Variants in PTH1R observed in about 807,000 individuals in gnomAD.
The protein encoded by PTH1R is parathyroid hormone 1 receptor.
PTH1R carries 32 observed loss-of-function variants against 70.7 expected under a neutral mutation model. The ratio of observed to expected loss-of-function variants is 0.45; its 90% CI spans 0.34 to 0.61. The LOEUF is 0.61. Ranked by LOEUF, PTH1R falls within the 20% of genes least tolerant of loss-of-function variation. The pLI is 0.01. For synonymous variants in PTH1R, 329 were observed against 324.8 expected (o/e 1.01, Z -0.14); for missense variants, 626 against 792.5 (o/e 0.79, Z 2.52).
rs1459430036 is a variant in PTH1R at position 46,879,286 on chromosome 3, GT to G, written c.-106+1447del. Among the ~76,000 whole-genome samples, 1 of 152,188 alleles carries G rather than the reference GT, an allele frequency of 6.6e-6. No individual in the cohort carries two copies. The highest frequency in any genetic ancestry group is 6.5e-5 in the Admixed American group (1 of 15,286). On this transcript the variant is annotated intron_variant, in intron 1 of 15. Transcript: ENST00000449590. The surrounding 1 kb of genome is among the most constrained non-coding windows in gnomAD (Gnocchi z 4.7). ...CAAGTAGTATGTTTCCAAATCTCAA[GT>G]TTTCCCTGGTGTCAGATCTGAAAAG...
At chr3:46,900,588 A>T (rs946795060) in intron 10 of PTH1R, among the ~76,000 whole-genome samples, 1 of 152,056 alleles carries the variant, frequency 6.6e-6, no homozygotes, top group South Asian at 2.1e-4. Flanking sequence ...ATCCAGTCTC[A>T]TCCACGAGGG....
At position 46,898,868 on chromosome 3, in the gene PTH1R, CT is replaced by C; in HGVS notation, c.834+12del. The C allele has an allele frequency of 6.6e-7, 1 of 1,507,438 alleles. No homozygotes were observed. The highest frequency in any genetic ancestry group is 8.9e-7 in the Non-Finnish European group (1 of 1,127,524). The allele number at this position is 1,507,438 out of a possible 1,614,324, so 93.4% of individuals were successfully genotyped here. The stretch of plus-strand genomic sequence containing the variant: ...GCCGCTGCCGGCTACGTGAGTACCC[CT>C]CTGCCCGCCCGCTCCCGGTGCCGCC... On this transcript the variant is annotated intron_variant, in intron 9 of 15. Coordinates refer to ENST00000449590, the MANE Select transcript of PTH1R (RefSeq NM_000316.3).
At chr3:46,889,355 A>G (rs913390917) in intron 3 of PTH1R, among the ~76,000 whole-genome samples, 1 of 152,178 alleles carries the variant, frequency 6.6e-6, no homozygotes, top group Non-Finnish European at 1.5e-5. Context: ...GGGATCTGCA[A>G]AGGGAGACTT....
At chr3:46,880,702 G>C (rs1234593892) in intron 1 of PTH1R, among the ~76,000 whole-genome samples, 1 of 152,164 alleles carries the variant, frequency 6.6e-6, no homozygotes, top group East Asian at 1.9e-4. Context: ...ACTCCAGCCT[G>C]GGTGACAAAG....
At position 46,901,159 on chromosome 3, in the gene PTH1R, GGGCCTCCTGTACCCT is replaced by G; in HGVS notation, c.1049+81_1049+95del. 1.3e-6 allele frequency: 2 copies of G among 1,506,762 alleles called. No homozygotes were observed. Among genetic ancestry groups the G allele is most frequent in the Non-Finnish European group, 1.8e-6 (2 of 1,107,366 alleles). The allele number at this position is 1,506,762 out of a possible 1,614,324, so 93.3% of individuals were successfully genotyped here. A position where few individuals can be genotyped will look rare whatever the true frequency, so the allele number is the denominator to read the frequency against. ...CTTTTCTTCCAGGAAGCATGTGAGAGGGCCTCCTGTACCCTGGCCTCAAACGGCCCAGCCTCAGGA... is the reference window on the plus strand; with the variant it reads ...CTTTTCTTCCAGGAAGCATGTGAGAGGGCCTCAAACGGCCCAGCCTCAGGA... On this transcript the variant is annotated intron_variant, in intron 11 of 15. Coordinates refer to ENST00000449590, the MANE Select transcript of PTH1R (RefSeq NM_000316.3). The surrounding 1 kb of genome is among the most constrained non-coding windows in gnomAD (Gnocchi z 7.3).
chr3:46,879,713 C>T lies in PTH1R; in HGVS notation c.-105-1349C>T, dbSNP rs989656679. ...TGTGAGCCATGACCGTGCCACTGCA[C>T]TCCAGCCTGGGTGACACAGCAAGAC... On this transcript the variant is annotated intron_variant, in intron 1 of 15. Transcript: ENST00000449590. This position sits in a 1 kb window ranked among gnomAD's most constrained non-coding sequence, Gnocchi z 4.7. 5.3e-5 allele frequency among the ~76,000 whole-genome samples: 8 copies of T among 152,048 alleles called. No individual in the cohort carries two copies. Among genetic ancestry groups the T allele is most frequent in the Non-Finnish European group, 1.2e-4 (8 of 68,032 alleles).
At position 46,893,568 on chromosome 3, in the gene PTH1R, C is replaced by T. The variant is rs540636131; in HGVS notation, c.76-339C>T. Among the ~76,000 whole-genome samples, 109 of 151,216 alleles carry T rather than the reference C, an allele frequency of 7.2e-4. 1 individual carries two copies. The highest frequency in any genetic ancestry group is 2.7e-3 in the South Asian group (13 of 4,768). The stretch of plus-strand genomic sequence containing the variant: ...AGGCAGCCAGGATCCTGTGTGGATC[C>T]ATCCTGGGACATTCCATTCCAGTCC... On this transcript the variant is annotated intron_variant, in intron 3 of 15. Coordinates refer to ENST00000449590, the MANE Select transcript of PTH1R (RefSeq NM_000316.3). The surrounding 1 kb of genome is among the most constrained non-coding windows in gnomAD (Gnocchi z 5.2).
In PTH1R at chr3:46,886,427, G is replaced by A. The variant is rs375042691; in HGVS notation, c.75+2793G>A. ...GGCTGGAGTGCAGTAGTGCGATCTCGGCTCACTGCAAGCTCTGCCTCCCGG... is the reference window on the plus strand; with the variant it reads ...GGCTGGAGTGCAGTAGTGCGATCTCAGCTCACTGCAAGCTCTGCCTCCCGG... On this transcript the variant is annotated intron_variant, in intron 3 of 15. Coordinates refer to ENST00000449590, the MANE Select transcript of PTH1R (RefSeq NM_000316.3). 1.7e-4 allele frequency among the ~76,000 whole-genome samples: 26 copies of A among 152,200 alleles called. 1 individual carries two copies. The East Asian group carries it at 3.7e-3, about 21-fold the overall frequency.
intron 3 of PTH1R, among the ~76,000 whole-genome samples, chr3:46,887,833 G>A (rs148402920): frequency 3.5e-4 from 53 of 152,222 alleles, no homozygotes; most frequent in Middle Eastern, 3.4e-3. Flanking sequence ...GTAGTCCATA[G>A]GAATGTACAT....
At chr3:46,898,966 A>G in intron 9 of PTH1R, 109 bp downstream of exon 9, 1 of 819,174 alleles carries the variant, frequency 1.2e-6, no homozygotes, top group Non-Finnish European at 1.8e-6. Flanking sequence ...TGCCAGCGCC[A>G]CTGGCTTCAG....
At chr3:46,897,262 A>G (rs771682406) in intron 5 of PTH1R, among the ~76,000 whole-genome samples, 13 of 152,276 alleles carry the variant, frequency 8.5e-5, no homozygotes, top group Non-Finnish European at 1.3e-4. Context: ...CAAGTTGCCT[A>G]CCTCTCTTGG....
Position 46,901,179 on chromosome 3 carries a change from T to G in PTH1R, c.1049+94T>G. On this transcript the variant is annotated intron_variant, in intron 11 of 15. Transcript: ENST00000449590. The surrounding 1 kb of genome is among the most constrained non-coding windows in gnomAD (Gnocchi z 7.3). ...TGAGAGGGCCTCCTGTACCCTGGCC[T>G]CAAACGGCCCAGCCTCAGGAGTTCT... 6.9e-7 allele frequency: 1 copy of G among 1,452,220 alleles called. No individual in the cohort carries two copies. The highest frequency in any genetic ancestry group is 2.0e-5 in the Admixed American group (1 of 50,858). 90.0% of individuals were successfully genotyped at this position (1,452,220 alleles called of 1,614,324 possible).
intron 3 of PTH1R, among the ~76,000 whole-genome samples, chr3:46,889,918 C>G (rs1432490533): frequency 6.6e-6 from 1 of 152,092 alleles, no homozygotes; most frequent in African/African-American, 2.4e-5. Flanking sequence ...AGGAACTCCT[C>G]AAGGGAGAGA....
intron 3 of PTH1R, among the ~76,000 whole-genome samples, chr3:46,885,564 C>G (rs1344633949): frequency 4.6e-5 from 7 of 152,188 alleles, no homozygotes. Context: ...CACTGCTCTC[C>G]AGGGAAGCTG....
rs1012320687 is a variant in PTH1R, at chr3:46,901,602, C to T, written c.1116+122C>T. The T allele has an allele frequency of 2.4e-5, 33 of 1,374,466 alleles. No individual in the cohort carries two copies. Among genetic ancestry groups the T allele is most frequent in the Admixed American group, 8.0e-5 (4 of 49,942 alleles). 85.1% of individuals were successfully genotyped at this position (1,374,466 alleles called of 1,614,324 possible). On this transcript the variant is annotated intron_variant, in intron 12 of 15. Coordinates refer to ENST00000449590, the MANE Select transcript of PTH1R (RefSeq NM_000316.3). This position sits in a 1 kb window ranked among gnomAD's most constrained non-coding sequence, Gnocchi z 7.3. ...GACCCCAGTGTCAGAGCTACAGAGG[C>T]CGGAGGACCAGCTGATCCACACTCC... is the stretch of plus-strand genomic sequence containing the variant.
intron 1 of PTH1R, among the ~76,000 whole-genome samples, chr3:46,880,461 C>A (rs2030482478): frequency 6.6e-6 from 1 of 152,134 alleles, no homozygotes; most frequent in East Asian, 1.9e-4. Context: ...TGGGGAGGGC[C>A]AAGGCTGGTG....
chr3:46,878,140 G>C (rs997136414), intron 1 of PTH1R, among the ~76,000 whole-genome samples: 1 of 152,206 alleles, frequency 6.6e-6, no homozygotes, highest in African/African-American at 2.4e-5. Flanking sequence ...TCACCTTCCT[G>C]AGAGGCAAGA....
At chr3:46,890,260 C>T (rs931184578) in intron 3 of PTH1R, among the ~76,000 whole-genome samples, 2 of 152,136 alleles carry the variant, frequency 1.3e-5, no homozygotes, top group African/African-American at 4.8e-5. Context: ...CTCCCATCTG[C>T]CCCTCACTGT....
In PTH1R at chr3:46,883,584, G is replaced by A; in HGVS notation, c.25G>A (p.Gly9Ser). The A allele has an allele frequency of 7.8e-6, 12 of 1,540,434 alleles. No homozygotes were observed. The highest frequency in any genetic ancestry group is 1.4e-5 in the African/African-American group (1 of 73,104). Residue 9 changes from glycine to serine, a missense_variant, in exon 3 of 16, where the codon GGC (glycine) becomes AGC (serine). This residue lies in a region of PTH1R where 123 missense variants were observed against 125.7 expected (regional missense o/e 0.98). Transcript: ENST00000449590. The surrounding 1 kb of genome is among the most constrained non-coding windows in gnomAD (Gnocchi z 6.4). ...GATGGGGACCGCCCGGATCGCACCC[G>A]GCCTGGCGCTCCTGCTCTGCTGCCC... MGTARIAP[G>S]LALLLCCPVL...
Sources: allele counts gnomAD v4.1 joint callset (sites outside exome capture counted in the v4.1 genomes callset), GRCh38; gene constraint gnomAD v4.1.1; regional missense constraint gnomAD v4.1.1; non-coding constraint Gnocchi (gnomAD v3.1); transcripts MANE v1.5; gene names NCBI Gene and HGNC (gene_info 2026-07-23, HGNC 2026-07-21).